NRG1: variants seen among roughly 807,000 people sequenced by gnomAD.
NRG1 encodes the protein neuregulin 1.
In NRG1, 18 loss-of-function variants were observed where a neutral mutation model predicts 63.8. That is an observed-to-expected ratio of 0.28 (90% CI 0.19 to 0.42). The LOEUF is 0.42. NRG1 is among the 10% of genes least tolerant of loss of function. NRG1 has a pLI of 1.00. For missense variants in NRG1, 762 were observed against 814.7 expected (o/e 0.94, Z 0.79); for synonymous variants, 302 against 301.3 (o/e 1.00, Z -0.02).
intron 1 of NRG1, among the ~76,000 whole-genome samples, chr8:31,988,563 A>G (rs1422140552): frequency 6.6e-6 from 1 of 152,122 alleles, no homozygotes; most frequent in Non-Finnish European, 1.5e-5. Flanking sequence ...CTGAAAACAT[A>G]TAAAAGAAAG....
intron 1 of NRG1, among the ~76,000 whole-genome samples, chr8:32,372,024 T>C (rs1421397248): frequency 2.1e-5 from 3 of 141,920 alleles, no homozygotes; most frequent in East Asian, 2.0e-4. Flanking sequence ...GGTTGTGCCA[T>C]GTCACCCAGG....
intron 1 of NRG1, among the ~76,000 whole-genome samples, chr8:32,002,099 C>A (rs934302798): frequency 6.6e-6 from 1 of 152,064 alleles, no homozygotes; most frequent in African/African-American, 2.4e-5. Context: ...TCTCAGCTCA[C>A]TACAACCTCT....
chr8:32,199,329 C>CTTTCATTCCTGT (rs1843265901), intron 1 of NRG1, among the ~76,000 whole-genome samples: 1 of 152,102 alleles, frequency 6.6e-6, no homozygotes, highest in African/African-American at 2.4e-5. Flanking sequence ...TTCATTCCTG[C>CTTTCATTCCTGT]TATATACTTT....
Position 32,732,432 on chromosome 8 carries a change from TA to T in NRG1, c.632+4359del, listed in dbSNP as rs199518129. Among the ~76,000 whole-genome samples, 1,220 of 152,290 alleles carry T rather than the reference TA, an allele frequency of 8.0e-3. 11 individuals are homozygous for T. The highest frequency in any genetic ancestry group is 0.028 in the African/African-American group (1,169 of 41,558). ...GATGTTGATGTGATTTTTTTTAATC[TA>T]AAAATTATTTTATATCAGGCTGTGC... On this transcript the variant is annotated intron_variant, in intron 6 of 11. Coordinates refer to ENST00000356819, the Ensembl canonical transcript of NRG1.
intron 1 of NRG1, among the ~76,000 whole-genome samples, chr8:31,966,197 T>C (rs1457886838): frequency 6.6e-6 from 1 of 151,898 alleles, no homozygotes; most frequent in Non-Finnish European, 1.5e-5. Context: ...AAATGTGCAA[T>C]GTCAAGAAAC....
At chr8:32,719,244 T>G (rs906409295) in intron 5 of NRG1, among the ~76,000 whole-genome samples, 2 of 152,074 alleles carry the variant, frequency 1.3e-5, no homozygotes, top group Non-Finnish European at 1.5e-5. Flanking sequence ...TTTTAAATTT[T>G]AAATATAAAT....
At chr8:31,775,499 A>G (rs1297066988) in intron 1 of NRG1, among the ~76,000 whole-genome samples, 1 of 152,306 alleles carries the variant, frequency 6.6e-6, no homozygotes, top group East Asian at 1.9e-4. Flanking sequence ...AGTGTTCGCT[A>G]TTCAGGCAAT....
intron 1 of NRG1, among the ~76,000 whole-genome samples, chr8:32,220,040 G>A (rs1212473263): frequency 6.6e-6 from 1 of 152,140 alleles, no homozygotes; most frequent in Non-Finnish European, 1.5e-5. Flanking sequence ...GAAGAAAAAA[G>A]AGAAGGGAAT....
intron 1 of NRG1, among the ~76,000 whole-genome samples, chr8:31,869,518 C>T (rs975037135): frequency 2.0e-5 from 3 of 152,170 alleles, no homozygotes; most frequent in South Asian, 2.1e-4. Context: ...TAGAGCTTCA[C>T]TATAAACAAT....
At chr8:32,510,701 G>A (rs1430269846) in intron 1 of NRG1, among the ~76,000 whole-genome samples, 5 of 152,046 alleles carry the variant, frequency 3.3e-5, no homozygotes, top group African/African-American at 9.7e-5. Flanking sequence ...GGCTCAGCCA[G>A]GCACCCAGAA....
chr8:31,724,841 G>C (rs1813268666), intron 1 of NRG1, among the ~76,000 whole-genome samples: 1 of 152,048 alleles, frequency 6.6e-6, no homozygotes, highest in Admixed American at 6.6e-5. Flanking sequence ...GTAAATTACA[G>C]CATTCTAGGT....
chr8:32,054,880 TTTTTTTTTTTTTTTTTTTTTTTTTTTG>T, intron 1 of NRG1, among the ~76,000 whole-genome samples: 3 of 28,170 alleles, frequency 1.1e-4, no homozygotes, highest in Admixed American at 3.9e-4. Flanking sequence ...TTTTTTTTTT[TTTTTTTTTTTTTTTTTTTTTTTTTTTG>T]AGATGAGTCT....
At chr8:32,169,429 G>A (rs1385962749) in intron 1 of NRG1, among the ~76,000 whole-genome samples, 6 of 152,190 alleles carry the variant, frequency 3.9e-5, no homozygotes, top group Non-Finnish European at 7.3e-5. Flanking sequence ...AAAACTATTT[G>A]AGAACATAGT....
intron 1 of NRG1, among the ~76,000 whole-genome samples, chr8:32,421,907 T>A (rs1397984390): frequency 6.6e-6 from 1 of 152,180 alleles, no homozygotes; most frequent in Admixed American, 6.5e-5. Context: ...ATACTGCATC[T>A]TCTCACTTAT....
intron 1 of NRG1, among the ~76,000 whole-genome samples, chr8:32,095,142 C>T (rs1264547080): frequency 6.6e-6 from 1 of 151,944 alleles, no homozygotes; most frequent in Admixed American, 6.6e-5. Context: ...AATCTCCTGA[C>T]CTCGTGATCC....
rs765116407 is a variant in NRG1 at position 32,344,324 on chromosome 8, C to CTCTTTCTTTCTTTCTTTCTTTCTT, written c.38-251468_38-251445dup. Among the ~76,000 whole-genome samples, 33 of 64,126 alleles carry CTCTTTCTTTCTTTCTTTCTTTCTT rather than the reference C, an allele frequency of 5.1e-4. 2 individuals carry two copies. The highest frequency in any genetic ancestry group is 1.4e-3 in the South Asian group (2 of 1,480). The allele number at this position is 64,126 out of a possible 152,430, so 42.1% of individuals were successfully genotyped here. On this transcript the variant is annotated intron_variant, in intron 1 of 10. Coordinates refer to the NRG1 transcript ENST00000519301. ...CCACATCTTTTTTTTTTCCTTCTTT[C>CTCTTTCTTTCTTTCTTTCTTTCTT]TCTTTCTTTCTTTCTTTCTTTCTTT...
chr8:32,510,511 G>T (rs1829051371), intron 1 of NRG1, among the ~76,000 whole-genome samples: 1 of 152,078 alleles, frequency 6.6e-6, no homozygotes, highest in African/African-American at 2.4e-5. Context: ...CACTGCTAAA[G>T]AAATAAAAAA....
chr8:31,731,870 AT>A (rs1814105084), intron 1 of NRG1, among the ~76,000 whole-genome samples: 1 of 152,198 alleles, frequency 6.6e-6, no homozygotes. Context: ...AAGACATCTA[AT>A]ATGAGTCATT....
Position 32,501,507 on chromosome 8 carries a change from G to A in NRG1, c.38-94321G>A, listed in dbSNP as rs533908399. Among the ~76,000 whole-genome samples the A allele has an allele frequency of 2.3e-4, 35 of 152,304 alleles. No homozygotes were observed. The East Asian group carries it at 5.4e-3, about 24-fold the overall frequency. On this transcript the variant is annotated intron_variant, in intron 1 of 10. Transcript: ENST00000519301. ...CAGGGGCCCTCTGGGAAATTCCAGA[G>A]TCAATTCAAGGTCAAGAAGACTTCA...
Sources: allele counts gnomAD v4.1 joint callset (sites outside exome capture counted in the v4.1 genomes callset), GRCh38; gene constraint gnomAD v4.1.1; transcripts MANE v1.5; gene names NCBI Gene and HGNC (gene_info 2026-07-23, HGNC 2026-07-21).